Variants in RORA observed in about 807,000 individuals in gnomAD.
The protein encoded by RORA is nuclear receptor ROR-alpha.
Under a neutral mutation model 69.5 loss-of-function variants are expected in RORA, and 7 were observed. The observed-to-expected ratio is 0.10, with a 90% CI of 0.06 to 0.19. The LOEUF (loss-of-function observed/expected upper bound fraction) is 0.19, where lower values mean the gene tolerates loss of function less well. Ranked by LOEUF, RORA falls within the 10% of genes least tolerant of loss-of-function variation. The pLI is 1.00. For synonymous variants in RORA, 261 were observed against 240.8 expected, an observed-to-expected ratio of 1.08 and a Z score of -0.78; for missense variants, 457 against 663.0, an observed-to-expected ratio of 0.69 and a Z score of 3.41.
intron 1 of RORA, among the ~76,000 whole-genome samples, chr15:60,825,833 T>C (rs561740591): frequency 1.3e-5 from 2 of 152,338 alleles, no homozygotes; most frequent in African/African-American, 2.4e-5. Context: ...TGTCTGATTA[T>C]TGGGCAGAAC....
chr15:60,882,732 C>T (rs1380242126), intron 1 of RORA, among the ~76,000 whole-genome samples: 4 of 152,014 alleles, frequency 2.6e-5, no homozygotes, highest in African/African-American at 9.7e-5. Context: ...TACTGCTGGA[C>T]ATAGGATTGT....
intron 2 of RORA, among the ~76,000 whole-genome samples, chr15:60,604,049 C>T (rs1410638412): frequency 4.0e-5 from 6 of 148,632 alleles, no homozygotes; most frequent in Non-Finnish European, 7.4e-5. Flanking sequence ...AGGAGAATCG[C>T]TTGACCCTGG....
At chr15:60,575,153 C>T (rs2067989060) in intron 2 of RORA, among the ~76,000 whole-genome samples, 1 of 151,962 alleles carries the variant, frequency 6.6e-6, no homozygotes, top group Non-Finnish European at 1.5e-5. Context: ...GGGCCAGAAC[C>T]TTCAGCAAAG....
At chr15:61,080,413 A>ACTATGT (rs1395675608) in intron 1 of RORA, among the ~76,000 whole-genome samples, 26 of 152,200 alleles carry the variant, frequency 1.7e-4, no homozygotes, top group Admixed American at 5.9e-4. Flanking sequence ...ATGTGTCAGC[A>ACTATGT]CTATGTCCCC....
At chr15:60,817,788 T>A (rs1372429242) in intron 1 of RORA, among the ~76,000 whole-genome samples, 3 of 152,240 alleles carry the variant, frequency 2.0e-5, no homozygotes, top group Non-Finnish European at 4.4e-5. Flanking sequence ...GCAGAGAGAA[T>A]CATACCTACC....
At chr15:60,522,188 T>G (rs2066190933) in intron 3 of RORA, among the ~76,000 whole-genome samples, 1 of 152,338 alleles carries the variant, frequency 6.6e-6, no homozygotes, top group Admixed American at 6.5e-5. Context: ...TACTTTTTAA[T>G]GATTATTTTA....
At chr15:60,917,204 TC>T (rs1428143477) in intron 1 of RORA, among the ~76,000 whole-genome samples, 1 of 152,236 alleles carries the variant, frequency 6.6e-6, no homozygotes, top group African/African-American at 2.4e-5. Flanking sequence ...GCATTTTCAA[TC>T]CAATTTACTG....
chr15:61,025,260 A>G (rs1044392780), intron 1 of RORA, among the ~76,000 whole-genome samples: 1 of 152,108 alleles, frequency 6.6e-6, no homozygotes, highest in Non-Finnish European at 1.5e-5. Context: ...AAATCCTAAA[A>G]CACGTCTCTG....
At chr15:61,155,393 A>T (rs2079433637) in intron 1 of RORA, among the ~76,000 whole-genome samples, 1 of 152,234 alleles carries the variant, frequency 6.6e-6, no homozygotes. Context: ...CTTCAGGCAT[A>T]TAAATCTTAA....
chr15:60,873,398 T>C (rs2073580724), intron 1 of RORA, among the ~76,000 whole-genome samples: 1 of 152,196 alleles, frequency 6.6e-6, no homozygotes, highest in African/African-American at 2.4e-5. Flanking sequence ...CCCTTAGATC[T>C]AGTCCAGAAG....
chr15:61,130,764 C>A (rs943107307), intron 1 of RORA, among the ~76,000 whole-genome samples: 1 of 152,166 alleles, frequency 6.6e-6, no homozygotes, highest in Non-Finnish European at 1.5e-5. Context: ...TATTAAAATC[C>A]ACTCTAGAAT....
intron 2 of RORA, among the ~76,000 whole-genome samples, chr15:60,551,102 A>G (rs2067215734): frequency 6.6e-6 from 1 of 152,156 alleles, no homozygotes; most frequent in African/African-American, 2.4e-5. Flanking sequence ...CAATTAAGAA[A>G]TAACTATAGC....
chr15:60,737,216 C>T (rs1180735919), intron 1 of RORA, among the ~76,000 whole-genome samples: 7 of 152,114 alleles, frequency 4.6e-5, no homozygotes, highest in South Asian at 4.2e-4. Flanking sequence ...TGCTGTTGGA[C>T]GGTCTCGTGG....
At chr15:60,583,496 A>G (rs1452651447) in intron 2 of RORA, among the ~76,000 whole-genome samples, 1 of 152,220 alleles carries the variant, frequency 6.6e-6, no homozygotes, top group East Asian at 1.9e-4. Context: ...CACACAGTGA[A>G]GGCTAAAATA....
intron 1 of RORA, among the ~76,000 whole-genome samples, chr15:60,816,919 A>G (rs2072825850): frequency 6.6e-6 from 1 of 152,058 alleles, no homozygotes; most frequent in South Asian, 2.1e-4. Flanking sequence ...TTTAAATGAT[A>G]CTTTTTTCTG....
At chr15:60,806,301 C>G (rs2072659010) in intron 1 of RORA, among the ~76,000 whole-genome samples, 2 of 152,096 alleles carry the variant, frequency 1.3e-5, no homozygotes, top group Non-Finnish European at 2.9e-5. Context: ...TGAAAAGCAC[C>G]CACAATTCTG....
intron 1 of RORA, among the ~76,000 whole-genome samples, chr15:61,178,739 T>C (rs1189493642): frequency 1.3e-5 from 2 of 152,100 alleles, no homozygotes; most frequent in Non-Finnish European, 2.9e-5. Context: ...AATAAACAGG[T>C]TGTGAGTTAA....
chr15:60,892,202 T>C (rs67680489), intron 1 of RORA, among the ~76,000 whole-genome samples: 9,858 of 152,238 alleles, frequency 0.065, 369 homozygotes, highest in African/African-American at 0.096. Context: ...GGCTGAAAGA[T>C]GGGAAATGTC....
intron 1 of RORA, among the ~76,000 whole-genome samples, chr15:60,833,547 T>A (rs772881388): frequency 1.6e-4 from 24 of 152,174 alleles, no homozygotes; most frequent in Non-Finnish European, 8.8e-5. Flanking sequence ...TTCCTTTCTA[T>A]GTCCCTTTCT....
Sources: gnomAD v4.1 joint callset for allele counts (sites outside exome capture counted in the v4.1 genomes callset) on GRCh38, gnomAD v4.1.1 for gene constraint, MANE v1.5 for transcripts, NCBI Gene and HGNC (gene_info 2026-07-23, HGNC 2026-07-21) for gene names.